The following NIBAN3 variants were observed in gnomAD, a reference collection of about 807,000 sequenced individuals.
NIBAN3 encodes protein Niban 3.
NIBAN3 carries 66 observed loss-of-function variants against 76.4 expected under a neutral mutation model. That is an observed-to-expected ratio of 0.86 (90% CI 0.71 to 1.06). NIBAN3 has a LOEUF of 1.06. Ranked by LOEUF, NIBAN3 falls within the 50% of genes least tolerant of loss-of-function variation. The pLI is 0.00. For synonymous variants in NIBAN3, 360 were observed against 355.2 expected (o/e 1.01, Z -0.15); for missense variants, 808 against 810.7 (o/e 1.00, Z 0.04).
upstream of NIBAN3, chr19:17,523,351 TGA>T (rs2075575264): frequency 7.9e-7 from 1 of 1,266,570 alleles, no homozygotes; most frequent in East Asian, 2.6e-5. Flanking sequence ...CTGTGCAGGG[TGA>T]GAGTGGAGCC....
upstream of NIBAN3, among the ~76,000 whole-genome samples, chr19:17,526,467 A>AC (rs1349489504): frequency 1.3e-5 from 2 of 150,228 alleles, no homozygotes; most frequent in Admixed American, 6.7e-5. Context: ...ACATAGGAAG[A>AC]CCCCCCGTGT....
chr19:17,537,574 G>A, intron 5 of NIBAN3, 31 bp downstream of exon 5: 1 of 1,537,952 alleles, frequency 6.5e-7, no homozygotes, highest in South Asian at 1.2e-5. Flanking sequence ...GACATTTGTG[G>A]GGCTAATGGT....
Position 17,539,371 on chromosome 19 carries a change from G to A in NIBAN3, c.736G>A (p.Glu246Lys). 6.5e-7 allele frequency: 1 copy of A among 1,543,508 alleles called. No individual in the cohort carries two copies. Residue 246 changes from glutamate (E) to lysine (K), a missense_variant, in exon 7 of 15, where the codon GAG (glutamate) becomes AAG (lysine). Glu to Lys is a moderately conservative substitution (Grantham distance 56). Coordinates refer to ENST00000599164, the MANE Select transcript of NIBAN3 (RefSeq NM_001321827.2). ...AEVLTAVLMR[E>K]QLPALRAQTL... Reference sequence around the variant, plus strand: ...GGTGCTGACCGCGGTGCTGATGCGGGAGCAACTTCCCGCGCTGCGAGCCCA... The same window carrying A: ...GGTGCTGACCGCGGTGCTGATGCGGAAGCAACTTCCCGCGCTGCGAGCCCA...
rs753435874 is a variant in NIBAN3 at position 17,543,398 on chromosome 19, C to T, written c.1411C>T (p.Gln471Ter). 4 of 1,610,824 alleles carry T rather than the reference C, an allele frequency of 2.5e-6. No homozygotes were observed. The African/African-American group carries it at 5.3e-5, about 22-fold the overall frequency. ...TTALNCDQAA[Q>*]RLERVRGRVL... ...GGCCCTCAACTGTGACCAGGCTGCC[C>T]AGAGGCTGGAGAGAGTCAGGGGGCG... Residue 471 changes from glutamine to a stop codon, truncating the protein, a stop_gained, in exon 11 of 15, where the codon CAG becomes TAG. Transcript: ENST00000599164. LOFTEE classifies it high-confidence loss of function.
At chr19:17,554,413 G>A (rs2076196654), downstream of NIBAN3, among the ~76,000 whole-genome samples, 1 of 151,790 alleles carries the variant, frequency 6.6e-6, no homozygotes, top group Non-Finnish European at 1.5e-5. Context: ...CCAGGAGGTT[G>A]AGGCTGCAGT....
At chr19:17,545,984 C>T (rs571528971) in intron 12 of NIBAN3, 37 of 440,250 alleles carry the variant, frequency 8.4e-5, no homozygotes, top group Non-Finnish European at 1.2e-4. Context: ...TTTTCGCTAC[C>T]GCTAGACCAC....
At chr19:17,529,272 A>G (rs2075668519) in intron 1 of NIBAN3, among the ~76,000 whole-genome samples, 1 of 152,016 alleles carries the variant, frequency 6.6e-6, no homozygotes, top group Non-Finnish European at 1.5e-5. Context: ...TCCCCCAGAT[A>G]GTGGCTTAAA....
chr19:17,527,281 C>T lies in NIBAN3; in HGVS notation c.-60C>T, dbSNP rs965230976. The T allele has an allele frequency of 3.2e-6, 5 of 1,550,600 alleles. No homozygotes were observed. Among genetic ancestry groups the T allele is most frequent in the Non-Finnish European group, 4.4e-6 (5 of 1,146,822 alleles). On this transcript the variant is annotated 5_prime_UTR_variant, in exon 1 of 15. Coordinates refer to ENST00000599164, the MANE Select transcript of NIBAN3 (RefSeq NM_001321827.2). ...ACCCGCCATCCAGGTGCCCCTGAGC[C>T]GAGGAACGCAGGCGGTGGTCGTGGG...
chr19:17,536,337 C>A (rs2144706434), intron 4 of NIBAN3, among the ~76,000 whole-genome samples: 2 of 151,840 alleles, frequency 1.3e-5, no homozygotes, highest in East Asian at 3.9e-4. Flanking sequence ...ACCATAGGCA[C>A]CTGCCACCAC....
rs375693198 is a variant in NIBAN3 at position 17,530,796 on chromosome 19, C to T, written c.97C>T (p.Arg33Cys). 6.8e-6 allele frequency: 11 copies of T among 1,613,104 alleles called. No homozygotes were observed. The African/African-American group carries it at 8.0e-5, about 12-fold the overall frequency. Reference protein sequence around the residue: ...TLLRNFLPCYRGQLAASVLRQ... With the variant: ...TLLRNFLPCYCGQLAASVLRQ... The stretch of plus-strand genomic sequence containing the variant: ...GCTGAGGAACTTCCTGCCTTGCTAC[C>T]GTGGGCAGCTGGCAGCGTCTGTCCT... The change falls in exon 2 of 15, where the codon CGT (arginine) becomes TGT (cysteine). Residue 33 changes from arginine to cysteine, a missense_variant. By Grantham distance (180) the Arg-to-Cys change is radical. Transcript: ENST00000599164.
rs548325095 is a variant in NIBAN3 at position 17,543,189 on chromosome 19, A to G, written c.1330-128A>G. 96 of 641,120 alleles carry G rather than the reference A, an allele frequency of 1.5e-4. 2 individuals carry two copies. The highest frequency in any genetic ancestry group is 1.4e-3 in the South Asian group (71 of 49,554). The allele number at this position is 641,120 out of a possible 1,614,324, so 39.7% of individuals were successfully genotyped here. A position where few individuals can be genotyped will look rare whatever the true frequency, so the allele number is the denominator to read the frequency against. On this transcript the variant is annotated intron_variant, in intron 10 of 14. Transcript: ENST00000599164. ...GGGAAAGGTGTTTCCTGGGACAAGG[A>G]GGAGGAGGTTGGGCAGAGGTGGCTG...
chr19:17,551,471 G>A (rs866869827), intron 14 of NIBAN3, among the ~76,000 whole-genome samples: 6 of 147,558 alleles, frequency 4.1e-5, no homozygotes, highest in Admixed American at 3.4e-4. Flanking sequence ...GCAATGGCGC[G>A]ATCTCGGCTA....
At position 17,540,566 on chromosome 19, in the gene NIBAN3, C is replaced by A. The variant is rs765270424; in HGVS notation, c.1154C>A (p.Thr385Lys). 38 of 1,518,274 alleles carry A rather than the reference C, an allele frequency of 2.5e-5. No individual in the cohort carries two copies. Among genetic ancestry groups the A allele is most frequent in the Non-Finnish European group, 3.3e-5 (37 of 1,130,566 alleles). The allele number at this position is 1,518,274 out of a possible 1,614,324, so 94.1% of individuals were successfully genotyped here. The change falls in exon 9 of 15, where the codon ACG becomes AAG. Residue 385 changes from threonine (T) to lysine (K), a missense_variant. Physicochemically the swap from Thr to Lys is moderately conservative, Grantham distance 78. Transcript: ENST00000599164. ...SHRLRQSPSGTRLRREVYSFG... is the reference protein window; with the variant it reads ...SHRLRQSPSGKRLRREVYSFG... ...CGCCTGCGCCAGAGCCCCTCAGGCA[C>A]GCGGCTGCGCAGGGAGGTGAGCTCC...
chr19:17,536,344 C>T (rs2075823958), intron 4 of NIBAN3, among the ~76,000 whole-genome samples: 1 of 151,126 alleles, frequency 6.6e-6, no homozygotes, highest in African/African-American at 2.5e-5. Flanking sequence ...GCACCTGCCA[C>T]CACACCCTGT....
At chr19:17,533,878 A>G (rs1046961454) in intron 4 of NIBAN3, among the ~76,000 whole-genome samples, 177 bp downstream of exon 4, 2 of 152,098 alleles carry the variant, frequency 1.3e-5, no homozygotes, top group Admixed American at 6.6e-5. Flanking sequence ...GACAACCACC[A>G]ATGTCTCCAG....
In NIBAN3 at chr19:17,539,638, G is replaced by T; in HGVS notation, c.852G>T (p.Gly284=). Residue 284 remains glycine (G), a synonymous_variant, in exon 8 of 15, where the codon GGG becomes GGT. Transcript: ENST00000599164. ...LDAVHAAVLA[G]ASAGLCAFQP... is the part of the protein sequence containing the mutation. ...CCGTTCACGCAGCTGTCCTGGCCGG[G>T]GCCTCCGCCGGGCTCTGCGCCTTCC... is the stretch of plus-strand genomic sequence containing the variant. The T allele has an allele frequency of 6.4e-7, 1 of 1,571,438 alleles. No individual in the cohort carries two copies. Among genetic ancestry groups the T allele is most frequent in the Non-Finnish European group, 8.6e-7 (1 of 1,157,552 alleles).
intron 13 of NIBAN3, 79 bp from the exon 14 acceptor site, chr19:17,549,365 A>G: frequency 1.0e-6 from 1 of 963,124 alleles, no homozygotes; most frequent in Non-Finnish European, 1.6e-6. Flanking sequence ...AGACATTTGT[A>G]GTCTCTCTGG....
chr19:17,544,702 C>T (rs923785396), intron 12 of NIBAN3, among the ~76,000 whole-genome samples: 1 of 152,152 alleles, frequency 6.6e-6, no homozygotes, highest in Admixed American at 6.6e-5. Flanking sequence ...AGGAGGTCAG[C>T]GGGAGTCCTA....
rs1053966774 is a variant in NIBAN3 at position 17,537,459 on chromosome 19, C to G, written c.511C>G (p.His171Asp). ...GTTCCTGCAGCACCCCTTCCGCCGG[C>G]ACCTCTGCTTCTCTGCAGCCACCAG... is the stretch of plus-strand genomic sequence containing the variant. ...PLFLQHPFRR[H>D]LCFSAATREA... Residue 171 changes from histidine to aspartate, a missense_variant, in exon 5 of 15, where the codon CAC becomes GAC. Physicochemically the swap from His to Asp is moderately conservative, Grantham distance 81. Coordinates refer to ENST00000599164, the MANE Select transcript of NIBAN3 (RefSeq NM_001321827.2). The G allele has an allele frequency of 6.8e-6, 11 of 1,613,696 alleles. No individual in the cohort carries two copies. Among genetic ancestry groups the G allele is most frequent in the Non-Finnish European group, 8.5e-6 (10 of 1,180,018 alleles).
Sources: allele counts gnomAD v4.1 joint callset (sites outside exome capture counted in the v4.1 genomes callset), GRCh38; gene constraint gnomAD v4.1.1; transcripts MANE v1.5; gene names NCBI Gene and HGNC (gene_info 2026-07-23, HGNC 2026-07-21).